The following STAC variants were observed in gnomAD, a reference collection of about 807,000 sequenced individuals.
STAC encodes the protein SH3 and cysteine-rich domain-containing protein.
Under a neutral mutation model 48.8 loss-of-function variants are expected in STAC, and 43 were observed. The observed-to-expected ratio is 0.88, with a 90% CI of 0.69 to 1.14. STAC has a LOEUF of 1.14. Among genes scored for constraint, STAC ranks in the 50% most tolerant of loss-of-function variants. STAC has a pLI of 0.00. For missense variants in STAC, 497 were observed against 504.0 expected (o/e 0.99, Z 0.13); for synonymous variants, 193 against 179.5 (o/e 1.07, Z -0.60).
chr3:36,394,467 C>A (rs1699816388), intron 1 of STAC, among the ~76,000 whole-genome samples: 1 of 152,174 alleles, frequency 6.6e-6, no homozygotes, highest in Non-Finnish European at 1.5e-5. Flanking sequence ...GTACATTACT[C>A]ACATTTTACA....
At position 36,434,158 on chromosome 3, in the gene STAC, C is replaced by T. The variant is rs201012086; in HGVS notation, c.112-9206C>T. On this transcript the variant is annotated intron_variant, in intron 1 of 10. Coordinates refer to ENST00000273183, the MANE Select transcript of STAC (RefSeq NM_003149.3). ...TTGACAAACTACACCATCAGCCAAA[C>T]TTGGAATAGATGAGGTGAATCTGCA... 2.4e-4 allele frequency among the ~76,000 whole-genome samples: 37 copies of T among 152,264 alleles called. 1 individual carries two copies. The East Asian group carries it at 7.1e-3, about 29-fold the overall frequency.
intron 2 of STAC, among the ~76,000 whole-genome samples, chr3:36,452,202 A>G (rs1414548634): frequency 6.6e-6 from 1 of 152,164 alleles, no homozygotes; most frequent in Non-Finnish European, 1.5e-5. Context: ...TTGCTTCCCT[A>G]TACCCCACAC....
At chr3:36,426,158 A>T (rs1700559357) in intron 1 of STAC, among the ~76,000 whole-genome samples, 1 of 152,236 alleles carries the variant, frequency 6.6e-6, no homozygotes, top group African/African-American at 2.4e-5. Flanking sequence ...ATTCAGAATA[A>T]TTCTCCAACA....
chr3:36,525,920 G>A (rs552841025), intron 8 of STAC, among the ~76,000 whole-genome samples: 2 of 152,302 alleles, frequency 1.3e-5, no homozygotes, highest in African/African-American at 4.8e-5. Context: ...AAGGAGATTG[G>A]ATCAGAATAG....
chr3:36,462,417 A>T (rs777992795), intron 2 of STAC, among the ~76,000 whole-genome samples: 1 of 152,136 alleles, frequency 6.6e-6, no homozygotes, highest in Non-Finnish European at 1.5e-5. Flanking sequence ...TGTCTAGATT[A>T]GAGATATAAT....
chr3:36,437,327 G>T (rs529903011), intron 1 of STAC, among the ~76,000 whole-genome samples: 14 of 151,538 alleles, frequency 9.2e-5, no homozygotes, highest in African/African-American at 2.7e-4. Context: ...ACATGCACAC[G>T]TATGTTTATT....
chr3:36,525,264 C>T (rs1264385447), intron 8 of STAC, among the ~76,000 whole-genome samples: 2 of 152,120 alleles, frequency 1.3e-5, no homozygotes, highest in South Asian at 2.1e-4. Flanking sequence ...AAATCACTCA[C>T]CAAGCAATTT....
At chr3:36,514,808 G>T (rs1039580601) in intron 8 of STAC, among the ~76,000 whole-genome samples, 5 of 152,144 alleles carry the variant, frequency 3.3e-5, no homozygotes, top group African/African-American at 1.2e-4. Context: ...GCCAAGGCAG[G>T]TGTATTGCCT....
chr3:36,504,912 T>TA (rs1291394014), intron 7 of STAC, among the ~76,000 whole-genome samples: 1 of 151,972 alleles, frequency 6.6e-6, no homozygotes. Flanking sequence ...TTTATATTAG[T>TA]ATATAGTTAG....
rs1696405386 is a variant in STAC at position 36,443,181 on chromosome 3, G to A, written c.112-183G>A. On this transcript the variant is annotated intron_variant, in intron 1 of 10. Transcript: ENST00000273183. The surrounding 1 kb of genome is among the most constrained non-coding windows in gnomAD (Gnocchi z 4.2). ...CTCATCTGGCTTAGTGGCAGGGGCG[G>A]GGGAAATTCCCTCTTTACTAGGCAC... Among the ~76,000 whole-genome samples the A allele has an allele frequency of 1.3e-5, 2 of 152,066 alleles. No homozygotes were observed. The highest frequency in any genetic ancestry group is 2.4e-5 in the African/African-American group (1 of 41,390).
chr3:36,483,283 T>C (rs1364988186), intron 3 of STAC, among the ~76,000 whole-genome samples, 191 bp downstream of exon 3: 1 of 152,234 alleles, frequency 6.6e-6, no homozygotes, highest in African/African-American at 2.4e-5. Context: ...CAATCAACAA[T>C]GCCCCACCTT....
At chr3:36,500,023 A>G (rs1395493578) in intron 6 of STAC, among the ~76,000 whole-genome samples, 2 of 152,220 alleles carry the variant, frequency 1.3e-5, no homozygotes, top group African/African-American at 4.8e-5. Flanking sequence ...CTGAAAAATG[A>G]TAGAAACTCA....
intron 1 of STAC, among the ~76,000 whole-genome samples, chr3:36,392,811 T>C (rs191471621): frequency 3.3e-5 from 5 of 152,328 alleles, no homozygotes; most frequent in African/African-American, 1.2e-4. Flanking sequence ...TTCTTCCATT[T>C]CCTGCTGTTA....
intron 1 of STAC, among the ~76,000 whole-genome samples, chr3:36,410,508 C>T (rs1263380195): frequency 2.0e-5 from 3 of 152,172 alleles, no homozygotes; most frequent in African/African-American, 7.2e-5. Context: ...GCAGCTTGAC[C>T]ATTTTGGGCA....
At chr3:36,506,409 C>T (rs753857181) in intron 8 of STAC, among the ~76,000 whole-genome samples, 27 of 152,038 alleles carry the variant, frequency 1.8e-4, no homozygotes, top group South Asian at 4.1e-4. Flanking sequence ...CTTGGCTATG[C>T]GGGCTTTTTT....
At chr3:36,510,981 A>T (rs1459517925) in intron 8 of STAC, among the ~76,000 whole-genome samples, 1 of 151,202 alleles carries the variant, frequency 6.6e-6, no homozygotes, top group Non-Finnish European at 1.5e-5. Flanking sequence ...ATATATATAT[A>T]TTTAATCTCC....
chr3:36,405,518 G>C (rs139339472), intron 1 of STAC, among the ~76,000 whole-genome samples: 2 of 152,010 alleles, frequency 1.3e-5, no homozygotes, highest in African/African-American at 4.8e-5. Flanking sequence ...CATCATCTAG[G>C]GCTGTCGCTT....
At chr3:36,394,659 G>C (rs866268367) in intron 1 of STAC, among the ~76,000 whole-genome samples, 16 of 152,226 alleles carry the variant, frequency 1.1e-4, no homozygotes, top group African/African-American at 3.6e-4. Flanking sequence ...CACTTTGGGA[G>C]GCTGAGGCAT....
chr3:36,498,491 C>G (rs906274939), intron 6 of STAC, among the ~76,000 whole-genome samples: 3 of 152,166 alleles, frequency 2.0e-5, no homozygotes, highest in Admixed American at 2.0e-4. Flanking sequence ...CAGTGGCTCA[C>G]GCCTGTAATC....
Sources: gnomAD v4.1 joint callset for allele counts (sites outside exome capture counted in the v4.1 genomes callset) on GRCh38, gnomAD v4.1.1 for gene constraint, Gnocchi (gnomAD v3.1) non-coding constraint, MANE v1.5 for transcripts, NCBI Gene and HGNC (gene_info 2026-07-23, HGNC 2026-07-21) for gene names.